SLC8A1: variants seen among roughly 807,000 people sequenced by gnomAD.
SLC8A1 encodes sodium/calcium exchanger 1.
In SLC8A1, 18 loss-of-function variants were observed where a neutral mutation model predicts 68.3. The ratio of observed to expected loss-of-function variants is 0.26; its 90% CI spans 0.18 to 0.39. SLC8A1 has a LOEUF of 0.39. Ranked by LOEUF, SLC8A1 falls within the 10% of genes least tolerant of loss-of-function variation. The pLI, the probability that SLC8A1 is intolerant of heterozygous loss-of-function variation, is 1.00. For missense variants in SLC8A1, 985 were observed against 1,156.7 expected (o/e 0.85, Z 2.15); for synonymous variants, 475 against 415.5 (o/e 1.14, Z -1.74).
chr2:40,161,373 T>C (rs572961234), intron 5 of SLC8A1, among the ~76,000 whole-genome samples: 1 of 152,288 alleles, frequency 6.6e-6, no homozygotes, highest in Middle Eastern at 3.4e-3. Flanking sequence ...CATCAATAAA[T>C]GGATTTGTCT....
In SLC8A1 at chr2:40,429,042, T is replaced by C. The variant is rs755399277; in HGVS notation, c.1239A>G (p.Gln413=). ...AGTTCTCCAGACACTGATATGTCCCTTGTTCAAAGAAGATCTTACTAACAG... is the reference window on the plus strand; with the variant it reads ...AGTTCTCCAGACACTGATATGTCCCCTGTTCAAAGAAGATCTTACTAACAG... Residue 413 remains glutamine, a synonymous_variant, in exon 2 of 8, where the codon CAA becomes CAG. Coordinates refer to ENST00000406785, the Ensembl canonical transcript of SLC8A1. The C allele has an allele frequency of 1.4e-5, 23 of 1,612,506 alleles. No individual in the cohort carries two copies. In the Admixed American group the frequency reaches 3.7e-4, roughly 26 times the overall value.
At chr2:40,106,562 A>G (rs959470128) in exon 8 of SLC8A1, 1 of 152,246 alleles carries the variant, frequency 6.6e-6, no homozygotes, top group Non-Finnish European at 1.5e-5. Context: ...TATTTATCAT[A>G]GACTTATCTG....
At chr2:40,390,440 G>A (rs1211828064) in intron 2 of SLC8A1, among the ~76,000 whole-genome samples, 2 of 152,046 alleles carry the variant, frequency 1.3e-5, no homozygotes, top group East Asian at 1.9e-4. Flanking sequence ...ACATAATTGT[G>A]ATTCAAGTGG....
chr2:40,428,601 T>C, exon 2 of SLC8A1: 1 of 1,613,936 alleles, frequency 6.2e-7, no homozygotes, highest in Non-Finnish European at 8.5e-7. Context: ...ATGTTCTCAA[T>C]ACTTTCACCT....
intron 2 of SLC8A1, among the ~76,000 whole-genome samples, chr2:40,231,419 C>T (rs985966049): frequency 6.6e-6 from 1 of 152,120 alleles, no homozygotes; most frequent in Non-Finnish European, 1.5e-5. Flanking sequence ...CCCATTTAAT[C>T]TTTATAGGTG....
intron 3 of SLC8A1, among the ~76,000 whole-genome samples, chr2:40,175,719 T>C (rs556993323): frequency 6.6e-6 from 1 of 152,244 alleles, no homozygotes; most frequent in African/African-American, 2.4e-5. Context: ...TATGGAAGTC[T>C]TAAATCACCC....
At chr2:40,449,964 T>G (rs1183991570) in intron 1 of SLC8A1, among the ~76,000 whole-genome samples, 2 of 152,200 alleles carry the variant, frequency 1.3e-5, no homozygotes, top group Non-Finnish European at 2.9e-5. Context: ...GTGAGAAATC[T>G]TAGCTAAAGA....
intron 2 of SLC8A1, among the ~76,000 whole-genome samples, chr2:40,182,925 A>G (rs2049903099): frequency 6.6e-6 from 1 of 152,222 alleles, no homozygotes; most frequent in African/African-American, 2.4e-5. Flanking sequence ...AGGATTAAAG[A>G]GAAGAGACTC....
intron 7 of SLC8A1, among the ~76,000 whole-genome samples, chr2:40,133,366 A>G (rs950932023): frequency 5.1e-4 from 71 of 140,248 alleles, no homozygotes; most frequent in Non-Finnish European, 1.5e-4. Flanking sequence ...GTTTTATTTT[A>G]TTAAAAAGGT....
At chr2:40,462,067 C>A (rs544814745) in intron 1 of SLC8A1, among the ~76,000 whole-genome samples, 7 of 124,364 alleles carry the variant, frequency 5.6e-5, no homozygotes, top group African/African-American at 2.2e-4. Flanking sequence ...AGTGCAGTGG[C>A]ACAATCTTGG....
chr2:40,203,117 T>A (rs958271518), intron 2 of SLC8A1, among the ~76,000 whole-genome samples: 4 of 151,972 alleles, frequency 2.6e-5, no homozygotes, highest in African/African-American at 9.7e-5. Flanking sequence ...TTTGACAGAC[T>A]TTCCCTATTC....
intron 2 of SLC8A1, among the ~76,000 whole-genome samples, chr2:40,361,380 G>C (rs1674572657): frequency 6.6e-6 from 1 of 152,100 alleles, no homozygotes; most frequent in Non-Finnish European, 1.5e-5. Flanking sequence ...GATCAGTTGG[G>C]CACATGTGGG....
chr2:40,402,347 A>T (rs1303793295), intron 2 of SLC8A1, among the ~76,000 whole-genome samples: 3 of 152,216 alleles, frequency 2.0e-5, no homozygotes, highest in Admixed American at 6.5e-5. Flanking sequence ...CCTTTGCCAA[A>T]AACTCAGGAA....
At chr2:40,175,330 A>G in intron 3 of SLC8A1, 49 bp from the exon 4 acceptor site, 1 of 1,576,740 alleles carries the variant, frequency 6.3e-7, no homozygotes, top group South Asian at 1.1e-5. Flanking sequence ...GACCAGATGA[A>G]TAATGAAAGT....
At chr2:40,449,721 A>G (rs1702089806) in intron 1 of SLC8A1, among the ~76,000 whole-genome samples, 1 of 152,182 alleles carries the variant, frequency 6.6e-6, no homozygotes, top group Admixed American at 6.5e-5. Flanking sequence ...AAGCCTTCAT[A>G]TTTTAGTTCA....
chr2:40,415,328 G>C (rs1159869237), intron 2 of SLC8A1, among the ~76,000 whole-genome samples: 1 of 151,818 alleles, frequency 6.6e-6, no homozygotes, highest in Non-Finnish European at 1.5e-5. Context: ...GACTGCTGCA[G>C]AGGCAACACT....
chr2:40,426,812 A>C (rs1358264751), intron 2 of SLC8A1, among the ~76,000 whole-genome samples: 4 of 152,020 alleles, frequency 2.6e-5, no homozygotes, highest in Admixed American at 1.3e-4. Flanking sequence ...TCTACTACAG[A>C]AGGGTTCAAT....
At chr2:40,286,923 C>T (rs2068414301) in intron 2 of SLC8A1, among the ~76,000 whole-genome samples, 3 of 152,170 alleles carry the variant, frequency 2.0e-5, no homozygotes, top group African/African-American at 4.8e-5. Flanking sequence ...GATGCAACCA[C>T]GACAGGCTGG....
chr2:40,450,556 A>T (rs1446006214), intron 1 of SLC8A1, among the ~76,000 whole-genome samples: 1 of 152,190 alleles, frequency 6.6e-6, no homozygotes, highest in African/African-American at 2.4e-5. Context: ...CCACCTACTC[A>T]GCTAGAGGCT....
Sources: allele counts gnomAD v4.1 joint callset (sites outside exome capture counted in the v4.1 genomes callset), GRCh38; gene constraint gnomAD v4.1.1; transcripts MANE v1.5; gene names NCBI Gene and HGNC (gene_info 2026-07-23, HGNC 2026-07-21).